The following ZFHX3 variants were observed in gnomAD, a reference collection of about 807,000 sequenced individuals.
The protein encoded by ZFHX3 is zinc finger homeobox 3.
A neutral mutation model predicts 279.1 loss-of-function variants in ZFHX3; 42 were observed. The ratio of observed to expected loss-of-function variants is 0.15; its 90% CI spans 0.12 to 0.19. The LOEUF (loss-of-function observed/expected upper bound fraction) is 0.19. Ranked by LOEUF, ZFHX3 falls within the 10% of genes least tolerant of loss-of-function variation. ZFHX3 has a pLI of 1.00. For synonymous variants in ZFHX3, 2,293 were observed against 1,957.8 expected (o/e 1.17, Z -4.52); for missense variants, 4,981 against 4,754.0 (o/e 1.05, Z -1.40).
chr16:72,917,292 G>A (rs759340699), intron 3 of ZFHX3, among the ~76,000 whole-genome samples: 1 of 152,066 alleles, frequency 6.6e-6, no homozygotes, highest in Non-Finnish European at 1.5e-5. Context: ...AGAAGTTTTC[G>A]CCATGTAAAA....
intron 1 of ZFHX3, among the ~76,000 whole-genome samples, chr16:73,055,129 C>T (rs1465238102): frequency 6.9e-6 from 1 of 145,172 alleles, no homozygotes; most frequent in Non-Finnish European, 1.5e-5. Flanking sequence ...TTTTCTCTCT[C>T]TTTTTTTTTT....
rs2053072337 is a variant in ZFHX3, at chr16:73,685,399, A to AAAG, written c.-1607-5160_-1607-5159insCTT. ...TCATGATGAAGATAGACAGGTTATT[A>AAAG]CTGGCTTTGAAGACTGAAGCAGGCC... On this transcript the variant is annotated intron_variant, in intron 1 of 17. Transcript: ENST00000641206. Among the ~76,000 whole-genome samples, 5 of 152,228 alleles carry AAAG rather than the reference A, an allele frequency of 3.3e-5. No individual in the cohort carries two copies. In the South Asian group the frequency reaches 1.0e-3, roughly 31 times the overall value.
chr16:72,975,605 T>C (rs188449473), intron 1 of ZFHX3, among the ~76,000 whole-genome samples: 45 of 152,304 alleles, frequency 3.0e-4, no homozygotes, highest in Admixed American at 2.0e-3. Context: ...AAGAAATCCA[T>C]ATTGAGACAT....
At chr16:73,187,711 G>A (rs1967944965) in intron 5 of ZFHX3, among the ~76,000 whole-genome samples, 1 of 152,316 alleles carries the variant, frequency 6.6e-6, no homozygotes, top group East Asian at 1.9e-4. Context: ...GCCCTCTTTG[G>A]GTGATCCTGG....
At chr16:73,455,624 A>G (rs908661022) in intron 3 of ZFHX3, among the ~76,000 whole-genome samples, 8 of 152,226 alleles carry the variant, frequency 5.3e-5, no homozygotes, top group African/African-American at 1.9e-4. Flanking sequence ...TAGAATTTCA[A>G]ATGAAAAGCT....
At chr16:73,738,191 AG>A (rs1353937399) in intron 1 of ZFHX3, among the ~76,000 whole-genome samples, 1 of 152,226 alleles carries the variant, frequency 6.6e-6, no homozygotes, top group Non-Finnish European at 1.5e-5. Context: ...ATGGAAAACA[AG>A]TAAGTTAATT....
intron 3 of ZFHX3, among the ~76,000 whole-genome samples, chr16:73,412,169 T>C (rs1343673372): frequency 2.0e-5 from 3 of 151,584 alleles, no homozygotes; most frequent in Admixed American, 2.0e-4. Context: ...TTACAAAAAA[T>C]GCAAAAATTA....
intron 1 of ZFHX3, among the ~76,000 whole-genome samples, chr16:73,045,048 C>T (rs1965243275): frequency 6.6e-6 from 1 of 152,212 alleles, no homozygotes; most frequent in South Asian, 2.1e-4. Flanking sequence ...ACTGTTACAA[C>T]TCTGCAATAA....
rs777045104 is a variant in ZFHX3, at chr16:72,787,703, C to T, written c.10573G>A (p.Gly3525Ser). 3 of 1,317,906 alleles carry T rather than the reference C, an allele frequency of 2.3e-6. No homozygotes were observed. The highest frequency in any genetic ancestry group is 2.2e-5 in the South Asian group (1 of 45,966). 81.6% of individuals were successfully genotyped at this position (1,317,906 alleles called of 1,614,324 possible). Residue 3525 changes from glycine to serine, a missense_variant, in exon 10 of 10, where the codon GGC (glycine) becomes AGC (serine). Gly to Ser is a moderately conservative substitution (Grantham distance 56, BLOSUM62 0). Coordinates refer to ENST00000268489, the MANE Select transcript of ZFHX3 (RefSeq NM_006885.4). ...GGGGGGGGGGGGGSYHCLACE... is the reference protein window; with the variant it reads ...GGGGGGGGGGSGGSYHCLACE... The stretch of plus-strand genomic sequence containing the variant: ...GCCAGGCAGTGGTACGAGCCGCCGC[C>T]GCCGCCGCCGCCGCCACCGCCGCCG...
At position 73,449,882 on chromosome 16, in the gene ZFHX3, C is replaced by CAAA. The variant is rs141005043; in HGVS notation, c.-1291+6118_-1291+6120dup. 8.7e-5 allele frequency among the ~76,000 whole-genome samples: 13 copies of CAAA among 149,708 alleles called. 1 individual carries two copies. The highest frequency in any genetic ancestry group is 3.2e-4 in the African/African-American group (13 of 41,020). ...AGATTGTTTCAGAACTATATTCTGGCAAAAAAAAATGTTTTCTTCTGAGGA... is the reference window on the plus strand; with the variant it reads ...AGATTGTTTCAGAACTATATTCTGGCAAAAAAAAAAAATGTTTTCTTCTGAGGA... On this transcript the variant is annotated intron_variant, in intron 3 of 17. Coordinates refer to the ZFHX3 transcript ENST00000641206.
intron 4 of ZFHX3, among the ~76,000 whole-genome samples, chr16:72,855,629 C>T (rs761995463): frequency 6.6e-6 from 1 of 152,142 alleles, no homozygotes; most frequent in African/African-American, 2.4e-5. Context: ...ATCTGGAAAT[C>T]GAGAGAAACC....
intron 4 of ZFHX3, among the ~76,000 whole-genome samples, chr16:72,833,569 A>T (rs1371273383): frequency 6.6e-6 from 1 of 152,206 alleles, no homozygotes; most frequent in Admixed American, 6.5e-5. Flanking sequence ...GCTGAAACAG[A>T]CAAATCAAAA....
At chr16:72,817,717 T>C (rs1197983769) in intron 5 of ZFHX3, among the ~76,000 whole-genome samples, 2 of 152,210 alleles carry the variant, frequency 1.3e-5, no homozygotes, top group African/African-American at 4.8e-5. Context: ...CTCTTCATGG[T>C]GGAGTGACTC....
intron 4 of ZFHX3, among the ~76,000 whole-genome samples, chr16:72,887,682 T>G (rs2038663055): frequency 9.5e-6 from 1 of 105,130 alleles, no homozygotes; most frequent in African/African-American, 3.9e-5. Flanking sequence ...GATGCTTGCA[T>G]GTGGGGGGTG....
intron 3 of ZFHX3, among the ~76,000 whole-genome samples, chr16:73,321,728 A>T (rs1290334680): frequency 1.3e-5 from 2 of 152,186 alleles, no homozygotes; most frequent in African/African-American, 4.8e-5. Context: ...TTCTTCTGCT[A>T]GATGTCTTTC....
intron 3 of ZFHX3, among the ~76,000 whole-genome samples, chr16:72,910,539 T>C (rs745457948): frequency 1.9e-4 from 29 of 152,152 alleles, no homozygotes; most frequent in Non-Finnish European, 4.3e-4. Flanking sequence ...GGTTTGGCCA[T>C]TACACAGCTC....
intron 5 of ZFHX3, among the ~76,000 whole-genome samples, chr16:73,145,193 C>G (rs1006461939): frequency 2.0e-5 from 3 of 152,162 alleles, no homozygotes; most frequent in African/African-American, 7.2e-5. Context: ...CTCAAGCCTC[C>G]TGTTGGGGGA....
intron 4 of ZFHX3, among the ~76,000 whole-genome samples, chr16:72,836,308 C>T (rs376213398): frequency 4.0e-5 from 6 of 151,882 alleles, no homozygotes; most frequent in African/African-American, 1.2e-4. Context: ...CTACCTGTAC[C>T]GTGACAGCCA....
intron 3 of ZFHX3, among the ~76,000 whole-genome samples, chr16:73,367,697 A>T (rs2016554371): frequency 6.6e-6 from 1 of 152,148 alleles, no homozygotes; most frequent in African/African-American, 2.4e-5. Context: ...TCACCAGTCA[A>T]ATCAACGGTA....
Sources: allele counts gnomAD v4.1 joint callset (sites outside exome capture counted in the v4.1 genomes callset), GRCh38; gene constraint gnomAD v4.1.1; transcripts MANE v1.5; gene names NCBI Gene and HGNC (gene_info 2026-07-23, HGNC 2026-07-21).